The following PCDH15 variants were observed in gnomAD, a reference collection of about 807,000 sequenced individuals.
The protein encoded by PCDH15 is protocadherin-15.
In PCDH15, 129 loss-of-function variants were observed where a neutral mutation model predicts 178.5. The observed-to-expected ratio is 0.72, with a 90% CI of 0.63 to 0.84. The LOEUF is 0.84. PCDH15 is among the 40% of genes least tolerant of loss of function. The pLI is 0.00. For synonymous variants in PCDH15, 800 were observed against 732.0 expected, an observed-to-expected ratio of 1.09 and a Z score of -1.50; for missense variants, 2,230 against 2,099.9, an observed-to-expected ratio of 1.06 and a Z score of -1.21.
intron 4 of PCDH15, among the ~76,000 whole-genome samples, chr10:54,371,547 G>A (rs747751340): frequency 2.0e-5 from 3 of 151,766 alleles, no homozygotes; most frequent in Non-Finnish European, 4.4e-5. Context: ...GTTTCAGAGA[G>A]CAGAAATAAG....
intron 2 of PCDH15, among the ~76,000 whole-genome samples, chr10:55,600,569 G>C (rs1283839487): frequency 6.6e-6 from 1 of 152,032 alleles, no homozygotes; most frequent in East Asian, 1.9e-4. Flanking sequence ...TGTTGGATCG[G>C]GACATCCTAA....
At chr10:55,160,050 A>G (rs1839020204) in intron 2 of PCDH15, among the ~76,000 whole-genome samples, 1 of 149,548 alleles carries the variant, frequency 6.7e-6, no homozygotes, top group Non-Finnish European at 1.5e-5. Context: ...TTCCCCCATG[A>G]AAGAGAATAA....
chr10:54,385,180 GA>G (rs1369506389), intron 3 of PCDH15, among the ~76,000 whole-genome samples: 2 of 151,996 alleles, frequency 1.3e-5, no homozygotes, highest in Admixed American at 1.3e-4. Context: ...TTGTACAATA[GA>G]AAATGTGGTT....
chr10:55,155,499 A>AT (rs1388270866), intron 2 of PCDH15, among the ~76,000 whole-genome samples: 1 of 151,190 alleles, frequency 6.6e-6, no homozygotes, highest in South Asian at 2.1e-4. Context: ...AAAAAAAAAA[A>AT]AAAAGCAATA....
intron 25 of PCDH15, among the ~76,000 whole-genome samples, chr10:53,914,345 C>A (rs2083374069): frequency 6.6e-6 from 1 of 152,122 alleles, no homozygotes; most frequent in African/African-American, 2.4e-5. Context: ...TTCACAATAG[C>A]AAAGACTTCA....
chr10:55,449,674 T>C (rs1324490950), intron 2 of PCDH15, among the ~76,000 whole-genome samples: 1 of 152,174 alleles, frequency 6.6e-6, no homozygotes, highest in Non-Finnish European at 1.5e-5. Flanking sequence ...TATATTAATC[T>C]TAAAGACCTG....
intron 1 of PCDH15, among the ~76,000 whole-genome samples, chr10:55,213,224 T>A (rs1224365836): frequency 2.0e-5 from 3 of 152,078 alleles, no homozygotes; most frequent in Admixed American, 1.3e-4. Flanking sequence ...GATTAAAATA[T>A]GTGCATACAT....
At chr10:54,949,840 C>T (rs1022664827) in intron 2 of PCDH15, among the ~76,000 whole-genome samples, 2 of 151,918 alleles carry the variant, frequency 1.3e-5, no homozygotes, top group African/African-American at 4.8e-5. Flanking sequence ...GGAAAAGTCC[C>T]CTTTATTCCA....
chr10:54,524,548 A>G (rs2083199014), intron 3 of PCDH15, among the ~76,000 whole-genome samples: 1 of 152,192 alleles, frequency 6.6e-6, no homozygotes, highest in African/African-American at 2.4e-5. Context: ...GTAGTCCCAG[A>G]GTAACTGTCC....
chr10:54,956,788 T>A (rs956384792), intron 2 of PCDH15, among the ~76,000 whole-genome samples: 2 of 151,700 alleles, frequency 1.3e-5, no homozygotes, highest in Non-Finnish European at 3.0e-5. Flanking sequence ...ATAGTTGACA[T>A]TGAGAAATAT....
intron 8 of PCDH15, among the ~76,000 whole-genome samples, chr10:54,276,499 T>G (rs752066181): frequency 5.9e-5 from 9 of 151,736 alleles, no homozygotes; most frequent in Non-Finnish European, 1.0e-4. Context: ...TACCATGTGG[T>G]GGTGAAAATG....
intron 8 of PCDH15, among the ~76,000 whole-genome samples, chr10:54,255,833 C>G (rs1170447034): frequency 6.6e-6 from 1 of 152,068 alleles, no homozygotes; most frequent in African/African-American, 2.4e-5. Flanking sequence ...AACCCTGGCC[C>G]AAGAATTACC....
chr10:54,550,392 C>A (rs2086423670), intron 2 of PCDH15, among the ~76,000 whole-genome samples: 1 of 152,064 alleles, frequency 6.6e-6, no homozygotes, highest in African/African-American at 2.4e-5. Context: ...TGCAATTAAA[C>A]TAAACATAAT....
intron 2 of PCDH15, among the ~76,000 whole-genome samples, chr10:55,470,967 C>T (rs968197921): frequency 7.2e-5 from 11 of 151,900 alleles, no homozygotes; most frequent in Admixed American, 6.6e-5. Flanking sequence ...TTTAAGTTTC[C>T]TCCATGTCCT....
At chr10:54,177,626 CA>C (rs1317867918) in intron 13 of PCDH15, among the ~76,000 whole-genome samples, 1 of 151,982 alleles carries the variant, frequency 6.6e-6, no homozygotes, top group Non-Finnish European at 1.5e-5. Context: ...TGATGATCTA[CA>C]AATACATTCT....
At chr10:54,517,804 G>C (rs754449864) in intron 3 of PCDH15, among the ~76,000 whole-genome samples, 64 of 152,008 alleles carry the variant, frequency 4.2e-4, no homozygotes, top group African/African-American at 1.1e-3. Context: ...TGACCACATA[G>C]TTGGAAGTAA....
chr10:53,993,416 G>C lies in PCDH15; in HGVS notation c.2868+2233C>G, dbSNP rs1379939544. The stretch of plus-strand genomic sequence containing the variant: ...ATAAGTTTTGATTCCTGTCCTCAAG[G>C]ACCTTACATTCTAGTTTGGAAGAGA... On this transcript the variant is annotated intron_variant, in intron 21 of 37. Transcript: ENST00000644397. Among the ~76,000 whole-genome samples the C allele has an allele frequency of 3.3e-5, 5 of 152,204 alleles. No individual in the cohort carries two copies. In the South Asian group the frequency reaches 1.0e-3, roughly 32 times the overall value.
At chr10:55,052,280 C>T (rs989518497) in intron 2 of PCDH15, among the ~76,000 whole-genome samples, 1 of 151,326 alleles carries the variant, frequency 6.6e-6, no homozygotes, top group Non-Finnish European at 1.5e-5. Flanking sequence ...TTAGTAGAGA[C>T]GGGATTTCAC....
chr10:55,417,201 G>C (rs1300650580), intron 2 of PCDH15, among the ~76,000 whole-genome samples: 1 of 151,616 alleles, frequency 6.6e-6, no homozygotes, highest in African/African-American at 2.4e-5. Flanking sequence ...ATTATCCATC[G>C]CTGTGTTAGC....
Sources: allele counts gnomAD v4.1 joint callset (sites outside exome capture counted in the v4.1 genomes callset), GRCh38; gene constraint gnomAD v4.1.1; transcripts MANE v1.5; gene names NCBI Gene and HGNC (gene_info 2026-07-23, HGNC 2026-07-21).